ZFAND3: variants seen among roughly 807,000 people sequenced by gnomAD.
ZFAND3 encodes the protein zinc finger AN1-type containing 3, also known as AN1-type zinc finger protein 3.
In ZFAND3, 10 loss-of-function variants were observed where a neutral mutation model predicts 29.6. That is an observed-to-expected ratio of 0.34 (90% confidence interval 0.21 to 0.57). The LOEUF (loss-of-function observed/expected upper bound fraction) is 0.57. Ranked by LOEUF, ZFAND3 falls within the 20% of genes least tolerant of loss-of-function variation. The pLI is 0.86. For missense variants in ZFAND3, 230 were observed against 304.5 expected, an observed-to-expected ratio of 0.76 and a Z score of 1.82; for synonymous variants, 128 against 112.6, an observed-to-expected ratio of 1.14 and a Z score of -0.87.
chr6:38,042,272 A>G (rs900010910), intron 2 of ZFAND3, among the ~76,000 whole-genome samples: 4 of 152,022 alleles, frequency 2.6e-5, no homozygotes, highest in African/African-American at 9.7e-5. Context: ...GAGGAGGAAA[A>G]TAAAAGTATG....
rs572402689 is a variant in ZFAND3 at position 37,928,258 on chromosome 6, G to A, written c.72-1701G>A. Reference sequence around the variant, plus strand: ...TCAGCATCAGAGAATACTTCCTGAGGGAGGCTTGCTTTAATTGTAAAACAT... The same window carrying A: ...TCAGCATCAGAGAATACTTCCTGAGAGAGGCTTGCTTTAATTGTAAAACAT... On this transcript the variant is annotated intron_variant, in intron 1 of 5. Coordinates refer to ENST00000287218, the MANE Select transcript of ZFAND3 (RefSeq NM_021943.3). Among the ~76,000 whole-genome samples, 12 of 152,320 alleles carry A rather than the reference G, an allele frequency of 7.9e-5. No homozygotes were observed. The East Asian group carries it at 2.1e-3, about 27-fold the overall frequency.
At position 38,153,887 on chromosome 6, in the gene ZFAND3, T is replaced by C. The variant is rs1196868760; in HGVS notation, c.*1498T>C. On this transcript the variant is annotated 3_prime_UTR_variant, in exon 6 of 6. Transcript: ENST00000287218. ...CCACACATAGGCTACTGGAATAGTT[T>C]AACCCAGCAACTTTCCTTTTTATAA... 1 of 985,390 alleles carries C rather than the reference T, an allele frequency of 1.0e-6. No homozygotes were observed. The highest frequency in any genetic ancestry group is 1.2e-6 in the Non-Finnish European group (1 of 829,958). 61.0% of individuals were successfully genotyped at this position (985,390 alleles called of 1,614,324 possible).
At chr6:38,059,805 GA>G (rs1764199690) in intron 2 of ZFAND3, among the ~76,000 whole-genome samples, 1 of 152,124 alleles carries the variant, frequency 6.6e-6, no homozygotes, top group Non-Finnish European at 1.5e-5. Context: ...GAGCCTGGGA[GA>G]CGGAGGTTGC....
intron 4 of ZFAND3, chr6:38,088,260 T>G (rs1443774885): frequency 6.6e-6 from 1 of 152,166 alleles, no homozygotes; most frequent in Non-Finnish European, 1.5e-5. Context: ...GAACTGGAGG[T>G]CATTATGTTA....
At chr6:37,955,151 G>T (rs549964565) in intron 2 of ZFAND3, among the ~76,000 whole-genome samples, 8 of 147,984 alleles carry the variant, frequency 5.4e-5, no homozygotes, top group African/African-American at 1.5e-4. Flanking sequence ...ACCAATTTTT[G>T]TGTGTGTGTG....
Position 38,104,129 on chromosome 6 carries a change from C to T in ZFAND3, c.362-12443C>T, listed in dbSNP as rs138172669. 3.6e-3 allele frequency among the ~76,000 whole-genome samples: 542 copies of T among 152,290 alleles called. 3 individuals carry two copies. Among genetic ancestry groups the T allele is most frequent in the Non-Finnish European group, 5.3e-3 (360 of 68,018 alleles). The stretch of plus-strand genomic sequence containing the variant: ...TGCTGTATTGCTAGCCTGACAGGTT[C>T]CACTGACCAGACACCTCTTTGAGGA... On this transcript the variant is annotated intron_variant, in intron 4 of 5. Transcript: ENST00000287218.
chr6:37,926,330 G>T (rs1340321532), intron 1 of ZFAND3, among the ~76,000 whole-genome samples: 1 of 152,094 alleles, frequency 6.6e-6, no homozygotes, highest in Non-Finnish European at 1.5e-5. Context: ...GATCTGGGAG[G>T]GCTTCCTTCC....
intron 4 of ZFAND3, among the ~76,000 whole-genome samples, chr6:38,098,327 A>G (rs1319819128): frequency 6.6e-6 from 1 of 151,978 alleles, no homozygotes; most frequent in Non-Finnish European, 1.5e-5. Flanking sequence ...TTGTATTTTT[A>G]GTAGAGACAG....
intron 2 of ZFAND3, among the ~76,000 whole-genome samples, chr6:38,049,591 A>T (rs1327774204): frequency 6.6e-6 from 1 of 152,172 alleles, no homozygotes; most frequent in Non-Finnish European, 1.5e-5. Flanking sequence ...TCAGTAGTTG[A>T]TAGCCTTAAT....
intron 1 of ZFAND3, among the ~76,000 whole-genome samples, chr6:37,845,507 T>C (rs16890194): frequency 0.13 from 19,873 of 152,180 alleles, 2,118 homozygotes; most frequent in African/African-American, 0.3. Flanking sequence ...AAATGTCAGA[T>C]TTCCTAGCCC....
At chr6:38,069,864 AC>A (rs1764418316) in intron 3 of ZFAND3, among the ~76,000 whole-genome samples, 1 of 152,194 alleles carries the variant, frequency 6.6e-6, no homozygotes, top group Non-Finnish European at 1.5e-5. Flanking sequence ...TTAAAGCAAA[AC>A]CATGATTTTT....
intron 2 of ZFAND3, among the ~76,000 whole-genome samples, chr6:38,022,228 C>T (rs1480683885): frequency 6.6e-6 from 1 of 152,088 alleles, no homozygotes; most frequent in Non-Finnish European, 1.5e-5. Context: ...TGAGAAGCTC[C>T]GATATAAACC....
intron 4 of ZFAND3, among the ~76,000 whole-genome samples, chr6:38,113,090 G>T (rs143926373): frequency 3.9e-5 from 6 of 152,292 alleles, no homozygotes; most frequent in Admixed American, 6.5e-5. Flanking sequence ...ATCTAGGGAA[G>T]GGTAAGTGGG....
At chr6:38,059,619 T>C (rs573326270) in intron 2 of ZFAND3, among the ~76,000 whole-genome samples, 2 of 152,342 alleles carry the variant, frequency 1.3e-5, no homozygotes, top group East Asian at 3.9e-4. Context: ...GGCTCACACC[T>C]GTAATCCCAG....
At chr6:38,028,684 A>G (rs1391806105) in intron 2 of ZFAND3, among the ~76,000 whole-genome samples, 1 of 152,208 alleles carries the variant, frequency 6.6e-6, no homozygotes, top group Admixed American at 6.5e-5. Flanking sequence ...TAGCAACAAA[A>G]TAAGCTCAAA....
Position 38,014,932 on chromosome 6 carries a change from T to C in ZFAND3, c.113-46661T>C, listed in dbSNP as rs550462521. The stretch of plus-strand genomic sequence containing the variant: ...TGCTTAAAAGTGATGCAGGTGCAGT[T>C]CTGCAAATTTAGAAAATAATCATTC... On this transcript the variant is annotated intron_variant, in intron 2 of 5. Transcript: ENST00000287218. Among the ~76,000 whole-genome samples the C allele has an allele frequency of 8.5e-5, 13 of 152,360 alleles. No individual in the cohort carries two copies. In the East Asian group the frequency reaches 2.5e-3, roughly 29 times the overall value.
chr6:37,994,360 G>T (rs576006252), intron 2 of ZFAND3, among the ~76,000 whole-genome samples: 1 of 152,140 alleles, frequency 6.6e-6, no homozygotes, highest in Admixed American at 6.5e-5. Context: ...ACCACCTGGT[G>T]TCTGCCTGTG....
chr6:37,982,597 G>T (rs1278000528), intron 2 of ZFAND3, among the ~76,000 whole-genome samples: 1 of 152,160 alleles, frequency 6.6e-6, no homozygotes, highest in Non-Finnish European at 1.5e-5. Context: ...TGATGCTTGT[G>T]TAAGTATATC....
intron 4 of ZFAND3, chr6:38,088,286 G>A (rs1442196149): frequency 1.3e-5 from 2 of 152,102 alleles, no homozygotes; most frequent in Admixed American, 6.5e-5. Context: ...AATAAGCCAG[G>A]CACAGAAAGA....
Sources: allele counts gnomAD v4.1 joint callset (sites outside exome capture counted in the v4.1 genomes callset), GRCh38; gene constraint gnomAD v4.1.1; transcripts MANE v1.5; gene names NCBI Gene and HGNC (gene_info 2026-07-23, HGNC 2026-07-21).